MTUS1: variants seen among roughly 807,000 people sequenced by gnomAD.
MTUS1 encodes microtubule-associated tumor suppressor 1.
Under a neutral mutation model 120.8 loss-of-function variants are expected in MTUS1, and 109 were observed. The observed-to-expected ratio is 0.90, with a 90% confidence interval of 0.77 to 1.06. The LOEUF is 1.06. Ranked by LOEUF, MTUS1 falls within the 50% of genes least tolerant of loss-of-function variation. The pLI, the probability that MTUS1 is intolerant of heterozygous loss-of-function variation, is 0.00. For synonymous variants in MTUS1, 737 were observed against 550.5 expected (o/e 1.34, Z -4.74); for missense variants, 2,210 against 1,486.3 (o/e 1.49, Z -8.01).
intron 1 of MTUS1, among the ~76,000 whole-genome samples, chr8:17,764,495 T>G (rs757685692): frequency 2.8e-4 from 43 of 152,254 alleles, no homozygotes; most frequent in Non-Finnish European, 4.9e-4. Flanking sequence ...CCCTACACAC[T>G]GAACAATTTC....
chr8:17,765,289 A>G (rs769477740), intron 1 of MTUS1, among the ~76,000 whole-genome samples: 1 of 152,128 alleles, frequency 6.6e-6, no homozygotes, highest in Non-Finnish European at 1.5e-5. Context: ...TGTTCCTAAC[A>G]GGCCACAGCC....
At chr8:17,765,245 C>T (rs1476696894) in intron 1 of MTUS1, among the ~76,000 whole-genome samples, 1 of 152,158 alleles carries the variant, frequency 6.6e-6, no homozygotes, top group African/African-American at 2.4e-5. Flanking sequence ...AGCTTTGCCC[C>T]CTCGCCTGAA....
chr8:17,727,768 C>T (rs2046315540), intron 3 of MTUS1, among the ~76,000 whole-genome samples: 1 of 152,142 alleles, frequency 6.6e-6, no homozygotes. Context: ...TATTATTGAC[C>T]TCAGTGGTTT....
In MTUS1 at chr8:17,675,250, C is replaced by A. The variant is rs1812854514; in HGVS notation, c.2841G>T (p.Arg947=). 1.2e-6 allele frequency: 2 copies of A among 1,614,010 alleles called. No homozygotes were observed. Among genetic ancestry groups the A allele is most frequent in the East Asian group, 4.5e-5 (2 of 44,880 alleles). Residue 947 remains arginine, a splice_region_variant and synonymous_variant, in exon 8 of 15, where the codon CGG becomes CGT. Transcript: ENST00000693296. Reference sequence around the variant, plus strand: ...TTTTGTGTTGTTTCAGTGCTTCCTCCCGCTGCGGAAAACACACATCAAGTT... The same window carrying A: ...TTTTGTGTTGTTTCAGTGCTTCCTCACGCTGCGGAAAACACACATCAAGTT... ...TVVIQHLLSE[R]EEALKQHKTL... is the part of the protein sequence containing the mutation.
chr8:17,770,350 G>C (rs2049932278), intron 1 of MTUS1: 1 of 152,022 alleles, frequency 6.6e-6, no homozygotes, highest in Non-Finnish European at 1.5e-5. Context: ...TTAAAGAGCA[G>C]CTTCAAAAAA....
intron 2 of MTUS1, chr8:17,748,047 G>A (rs995948492): frequency 3.3e-5 from 5 of 152,148 alleles, no homozygotes; most frequent in African/African-American, 1.2e-4. Context: ...ACAACATGTG[G>A]GAACTCAATA....
chr8:17,664,934 C>T (rs1233678427), intron 8 of MTUS1, among the ~76,000 whole-genome samples: 1 of 152,126 alleles, frequency 6.6e-6, no homozygotes, highest in East Asian at 1.9e-4. Flanking sequence ...AAAGGTGGGA[C>T]CCAGACTATC....
At chr8:17,783,613 G>C (rs1459328378) in intron 1 of MTUS1, among the ~76,000 whole-genome samples, 1 of 152,090 alleles carries the variant, frequency 6.6e-6, no homozygotes, top group Non-Finnish European at 1.5e-5. Flanking sequence ...GTTTAGCTTT[G>C]TATCCCTGTG....
chr8:17,796,411 TA>T (rs1294091321), intron 1 of MTUS1, among the ~76,000 whole-genome samples: 4 of 32,634 alleles, frequency 1.2e-4, no homozygotes, highest in Admixed American at 3.1e-4. Flanking sequence ...TACGTACTTC[TA>T]AAGTACCTGA....
At position 17,754,524 on chromosome 8, in the gene MTUS1, C is replaced by T. The variant is rs373052656; in HGVS notation, c.1284G>A (p.Met428Ile). ...TTGTGGGTTCTAGGACTGGTGTTGA[C>T]ATGCACATCGTTTTGTCTGTGCTAA... Reference protein sequence around the residue: ...MVISTDKTMCMSTPVLEPTKV... With the variant: ...MVISTDKTMCISTPVLEPTKV... Residue 428 changes from methionine to isoleucine, a missense_variant, in exon 2 of 15, where the codon ATG (methionine) becomes ATA (isoleucine). By Grantham distance (10) the Met-to-Ile change is conservative. Transcript: ENST00000693296. 1 of 1,614,174 alleles carries T rather than the reference C, an allele frequency of 6.2e-7. No individual in the cohort carries two copies. The highest frequency in any genetic ancestry group is 8.5e-7 in the Non-Finnish European group (1 of 1,180,034).
In MTUS1 at chr8:17,697,371, A is replaced by C. The variant is rs376888960; in HGVS notation, c.2624-12829T>G. 22 of 1,614,108 alleles carry C rather than the reference A, an allele frequency of 1.4e-5. No individual in the cohort carries two copies. The African/African-American group carries it at 2.9e-4, about 22-fold the overall frequency. On this transcript the variant is annotated intron_variant, in intron 6 of 14. Transcript: ENST00000693296. ...GTGGATAAGGAGAATTTGGGAGACA[A>C]CAACATGTCTTCGGAGCAGGTGGCG...
At chr8:17,744,467 C>T (rs2131274594) in intron 2 of MTUS1, among the ~76,000 whole-genome samples, 1 of 152,190 alleles carries the variant, frequency 6.6e-6, no homozygotes, top group Non-Finnish European at 1.5e-5. Flanking sequence ...ATCGCCCAGG[C>T]TGGAGTGTAG....
Position 17,654,588 on chromosome 8 carries a change from T to G in MTUS1, c.3187A>C (p.Lys1063Gln). The change falls in exon 10 of 15, where the codon AAG becomes CAG. Residue 1063 changes from lysine to glutamine, a missense_variant. Coordinates refer to ENST00000693296, the MANE Select transcript of MTUS1 (RefSeq NM_001363059.2). ...GAAAGGGAGGCTTCATAGGCCTTCT[T>G]TAGCAATTCAAGTTTCTCTGAGTGG... is the stretch of plus-strand genomic sequence containing the variant. ...ASHSEKLELL[K>Q]KAYEASLSEI... is the part of the protein sequence containing the mutation. The G allele has an allele frequency of 6.2e-7, 1 of 1,613,774 alleles. No individual in the cohort carries two copies.
At position 17,723,497 on chromosome 8, in the gene MTUS1, G is replaced by C. The variant is rs1361342673; in HGVS notation, c.2449+175C>G. 3 of 689,188 alleles carry C rather than the reference G, an allele frequency of 4.4e-6. 1 individual carries two copies. The highest frequency in any genetic ancestry group is 1.8e-5 in the African/African-American group (1 of 56,496). The allele number at this position is 689,188 out of a possible 1,614,324, so 42.7% of individuals were successfully genotyped here. ...ATACTTTAACACATAATTATTTCAA[G>C]AGTGTTTTTCAAAGAATTTTTTTTC... On this transcript the variant is annotated intron_variant, in intron 4 of 14. Coordinates refer to ENST00000693296, the MANE Select transcript of MTUS1 (RefSeq NM_001363059.2).
chr8:17,646,948 G>A (rs761939864), intron 14 of MTUS1, 34 bp downstream of exon 14: 2 of 1,520,718 alleles, frequency 1.3e-6, no homozygotes, highest in Non-Finnish European at 1.8e-6. Flanking sequence ...AGGGAGCGGG[G>A]AGCTCGGGAG....
intron 1 of MTUS1, among the ~76,000 whole-genome samples, chr8:17,785,534 T>C (rs1211587416): frequency 6.6e-6 from 1 of 152,184 alleles, no homozygotes; most frequent in Non-Finnish European, 1.5e-5. Flanking sequence ...TGCCAACACA[T>C]CATAAAAGGA....
rs144685294 is a variant in MTUS1 at position 17,766,278 on chromosome 8, G to T, written c.-154-10317C>A. On this transcript the variant is annotated intron_variant, in intron 1 of 14. Coordinates refer to ENST00000693296, the MANE Select transcript of MTUS1 (RefSeq NM_001363059.2). ...ACTAATGGGTAATTAAATGTCTGCA[G>T]ACCATCACATGTGAGTACACCCAGT... Among the ~76,000 whole-genome samples the T allele has an allele frequency of 3.5e-3, 535 of 152,282 alleles. 4 individuals carry two copies. The highest frequency in any genetic ancestry group is 0.012 in the African/African-American group (506 of 41,558).
intron 2 of MTUS1, among the ~76,000 whole-genome samples, chr8:17,750,218 C>A (rs1252972124): frequency 6.6e-6 from 1 of 152,158 alleles, no homozygotes; most frequent in Non-Finnish European, 1.5e-5. Flanking sequence ...CCCATGAGAA[C>A]AGCTGGAGGT....
At chr8:17,688,034 T>A (rs1428311962) in intron 6 of MTUS1, among the ~76,000 whole-genome samples, 1 of 152,272 alleles carries the variant, frequency 6.6e-6, no homozygotes, top group African/African-American at 2.4e-5. Flanking sequence ...ACACATTCAT[T>A]CTAGGCTGAA....
Sources: gnomAD v4.1 joint callset for allele counts (sites outside exome capture counted in the v4.1 genomes callset) on GRCh38, gnomAD v4.1.1 for gene constraint, MANE v1.5 for transcripts, NCBI Gene and HGNC (gene_info 2026-07-23, HGNC 2026-07-21) for gene names.